Variants in WNT2 observed in about 807,000 individuals in gnomAD.
WNT2 encodes the protein protein Wnt-2.
Under a neutral mutation model 36.9 loss-of-function variants are expected in WNT2, and 12 were observed. That is an observed-to-expected ratio of 0.33 (90% CI 0.21 to 0.53). The LOEUF (loss-of-function observed/expected upper bound fraction) is 0.53. Ranked by LOEUF, WNT2 falls within the 20% of genes least tolerant of loss-of-function variation. The pLI is 0.95. For synonymous variants in WNT2, 163 were observed against 174.6 expected (o/e 0.93, Z 0.52); for missense variants, 379 against 473.1 (o/e 0.80, Z 1.84).
Position 117,276,934 on chromosome 7 carries a change from A to G in WNT2, c.*1221T>C, listed in dbSNP as rs1262741100. ...AATATAGCAGGGTTACCAACTTTAT[A>G]AGCAATGCTATGTGTCATTTGCTTT... On this transcript the variant is annotated 3_prime_UTR_variant, in exon 5 of 5. Coordinates refer to ENST00000265441, the MANE Select transcript of WNT2 (RefSeq NM_003391.3). 1 of 152,224 alleles carries G rather than the reference A, an allele frequency of 6.6e-6. No homozygotes were observed. Among genetic ancestry groups the G allele is most frequent in the Non-Finnish European group, 1.5e-5 (1 of 68,032 alleles). 9.4% of individuals were successfully genotyped at this position (152,224 alleles called of 1,614,324 possible).
At chr7:117,286,316 A>G (rs1393052387) in intron 4 of WNT2, among the ~76,000 whole-genome samples, 1 of 152,168 alleles carries the variant, frequency 6.6e-6, no homozygotes, top group Non-Finnish European at 1.5e-5. Context: ...TCTTGCTGAC[A>G]GCAGAGGAGG....
At chr7:117,299,140 C>T (rs777727029) in intron 3 of WNT2, among the ~76,000 whole-genome samples, 6 of 152,174 alleles carry the variant, frequency 3.9e-5, no homozygotes, top group African/African-American at 7.2e-5. Context: ...AATTCCTCTT[C>T]GGAATTACAC....
intron 4 of WNT2, among the ~76,000 whole-genome samples, chr7:117,292,293 T>TCACACA (rs58179910): frequency 3.4e-3 from 502 of 147,028 alleles, no homozygotes; most frequent in African/African-American, 8.6e-3. Context: ...CCAACCACAC[T>TCACACA]CACACACACA....
intron 4 of WNT2, among the ~76,000 whole-genome samples, chr7:117,286,201 C>A (rs1162314252): frequency 6.6e-6 from 1 of 152,102 alleles, no homozygotes; most frequent in African/African-American, 2.4e-5. Context: ...TGGAGCAATG[C>A]CGAGGGAACT....
intron 1 of WNT2, among the ~76,000 whole-genome samples, chr7:117,321,721 C>T (rs1393508584): frequency 6.6e-6 from 1 of 152,100 alleles, no homozygotes; most frequent in Non-Finnish European, 1.5e-5. Context: ...GACAATGTGA[C>T]AAAAAGCCTG....
chr7:117,288,230 G>A (rs763796992), intron 4 of WNT2, among the ~76,000 whole-genome samples: 11 of 152,172 alleles, frequency 7.2e-5, no homozygotes, highest in Non-Finnish European at 1.5e-4. Flanking sequence ...TTAAGGTTCT[G>A]TTATTGCAAA....
At chr7:117,314,346 A>G (rs1795175066) in intron 3 of WNT2, among the ~76,000 whole-genome samples, 1 of 152,246 alleles carries the variant, frequency 6.6e-6, no homozygotes, top group African/African-American at 2.4e-5. Flanking sequence ...CCCCTGGACT[A>G]CGTGTTGAAA....
At chr7:117,320,978 G>A (rs979007114) in intron 1 of WNT2, among the ~76,000 whole-genome samples, 185 bp from the exon 2 acceptor site, 4 of 152,228 alleles carry the variant, frequency 2.6e-5, no homozygotes, top group Admixed American at 6.5e-5. Context: ...GCAGGCAGGC[G>A]TAGTGAGTGA....
intron 3 of WNT2, among the ~76,000 whole-genome samples, chr7:117,306,017 G>A (rs551372609): frequency 1.8e-4 from 28 of 152,308 alleles, no homozygotes; most frequent in Admixed American, 1.8e-3. Context: ...ATTTATATCT[G>A]AGGCATTCTC....
At chr7:117,302,366 A>AT (rs1794923017) in intron 3 of WNT2, among the ~76,000 whole-genome samples, 1 of 152,320 alleles carries the variant, frequency 6.6e-6, no homozygotes, top group Non-Finnish European at 1.5e-5. Flanking sequence ...AAAAATGTCA[A>AT]TTTTTTTAAC....
At position 117,278,037 on chromosome 7, in the gene WNT2, A is replaced by G; in HGVS notation, c.*118T>C. On this transcript the variant is annotated 3_prime_UTR_variant, in exon 5 of 5. Coordinates refer to ENST00000265441, the MANE Select transcript of WNT2 (RefSeq NM_003391.3). ...AGGGAGGAAGAGGGGGCTTCCGTTG[A>G]GATAAAGGCCACATGCCTTAGGAAA... 1 of 1,204,832 alleles carries G rather than the reference A, an allele frequency of 8.3e-7. No individual in the cohort carries two copies. The highest frequency in any genetic ancestry group is 1.2e-6 in the Non-Finnish European group (1 of 854,900). 74.6% of individuals were successfully genotyped at this position (1,204,832 alleles called of 1,614,324 possible). A position where few individuals can be genotyped will look rare whatever the true frequency, so the allele number is the denominator to read the frequency against.
chr7:117,287,886 G>A (rs1235626567), intron 4 of WNT2, among the ~76,000 whole-genome samples: 1 of 152,246 alleles, frequency 6.6e-6, no homozygotes, highest in East Asian at 1.9e-4. Context: ...TACTCGGGAG[G>A]CTGAGGCAGG....
chr7:117,280,988 G>A (rs778392493), intron 4 of WNT2, among the ~76,000 whole-genome samples: 11 of 152,288 alleles, frequency 7.2e-5, no homozygotes, highest in Non-Finnish European at 1.5e-4. Context: ...ATATTTCTTG[G>A]TATTAATAGT....
intron 4 of WNT2, among the ~76,000 whole-genome samples, chr7:117,280,669 G>A (rs1031584790): frequency 6.6e-6 from 1 of 152,170 alleles, no homozygotes; most frequent in African/African-American, 2.4e-5. Context: ...CAACTGTGTG[G>A]CCTTGGGCAA....
chr7:117,280,362 T>C (rs1794459724), intron 4 of WNT2, among the ~76,000 whole-genome samples: 2 of 152,194 alleles, frequency 1.3e-5, no homozygotes, highest in African/African-American at 4.8e-5. Context: ...TCAGTAAACA[T>C]TTAGTGAACA....
At chr7:117,301,866 G>T (rs866482660) in intron 3 of WNT2, among the ~76,000 whole-genome samples, 1 of 144,612 alleles carries the variant, frequency 6.9e-6, no homozygotes, top group Non-Finnish European at 1.5e-5. Flanking sequence ...GGAGTGCAAT[G>T]GTGTGATCTC....
rs555690628 is a variant in WNT2 at position 117,287,523 on chromosome 7, C to G, written c.854-9139G>C. On this transcript the variant is annotated intron_variant, in intron 4 of 4. Coordinates refer to ENST00000265441, the MANE Select transcript of WNT2 (RefSeq NM_003391.3). ...ATTAGGCCTGTAATGCACATCACGC[C>G]ACAGGGTTCATGCACTGTTTGGAAA... Among the ~76,000 whole-genome samples the G allele has an allele frequency of 2.6e-5, 4 of 152,214 alleles. No homozygotes were observed. The South Asian group carries it at 8.3e-4, about 32-fold the overall frequency.
intron 4 of WNT2, among the ~76,000 whole-genome samples, chr7:117,293,328 A>T (rs576548699): frequency 2.4e-4 from 37 of 152,286 alleles, no homozygotes; most frequent in African/African-American, 8.7e-4. Context: ...GACCAGCAAG[A>T]GTAAAGCCAG....
intron 3 of WNT2, among the ~76,000 whole-genome samples, chr7:117,313,355 T>C (rs1400502206): frequency 6.6e-6 from 1 of 152,250 alleles, no homozygotes; most frequent in Non-Finnish European, 1.5e-5. Flanking sequence ...GTGTGCACTT[T>C]TATTCCAATC....
Sources: gnomAD v4.1 joint callset for allele counts (sites outside exome capture counted in the v4.1 genomes callset) on GRCh38, gnomAD v4.1.1 for gene constraint, MANE v1.5 for transcripts, NCBI Gene and HGNC (gene_info 2026-07-23, HGNC 2026-07-21) for gene names.